ROBO2: variants seen among roughly 807,000 people sequenced by gnomAD.
ROBO2 encodes roundabout guidance receptor 2, also known as roundabout homolog 2.
A neutral mutation model predicts 160.8 loss-of-function variants in ROBO2; 53 were observed. That is an observed-to-expected ratio of 0.33 (90% CI 0.26 to 0.41). The LOEUF (loss-of-function observed/expected upper bound fraction) is 0.41. Among genes scored for constraint, ROBO2 ranks in the 10% least tolerant of loss-of-function variants. The pLI is 1.00. For missense variants in ROBO2, 1,577 were observed against 1,722.4 expected (o/e 0.92, Z 1.49); for synonymous variants, 664 against 611.7 (o/e 1.09, Z -1.26).
chr3:77,494,005 C>G (rs1056085999), intron 5 of ROBO2, among the ~76,000 whole-genome samples: 1 of 152,154 alleles, frequency 6.6e-6, no homozygotes, highest in East Asian at 1.9e-4. Context: ...CCCAATCTCT[C>G]AAACTCTAAC....
At chr3:76,936,288 T>C (rs939023539) in intron 2 of ROBO2, among the ~76,000 whole-genome samples, 19 of 152,160 alleles carry the variant, frequency 1.2e-4, no homozygotes, top group African/African-American at 4.6e-4. Flanking sequence ...TTTCCAATAA[T>C]GTGAAGATCT....
rs117140498 is a variant in ROBO2, at chr3:76,449,811, A to G, written c.109+512209A>G. On this transcript the variant is annotated intron_variant, in intron 2 of 26. Coordinates refer to the ROBO2 transcript ENST00000487694. ...GCATCATTAGGTTGCTCATAAAGGA[A>G]TCACGAATAAACATTTTAGAGAGGT... Among the ~76,000 whole-genome samples, 6 of 152,282 alleles carry G rather than the reference A, an allele frequency of 3.9e-5. No homozygotes were observed. The East Asian group carries it at 9.7e-4, about 25-fold the overall frequency.
At chr3:76,626,426 A>G (rs188523482) in intron 2 of ROBO2, among the ~76,000 whole-genome samples, 2 of 152,270 alleles carry the variant, frequency 1.3e-5, no homozygotes, top group African/African-American at 2.4e-5. Context: ...GTTTAGGCTG[A>G]TGGAAAATAA....
intron 2 of ROBO2, among the ~76,000 whole-genome samples, chr3:77,025,022 T>A (rs1219533948): frequency 1.3e-5 from 2 of 152,044 alleles, no homozygotes; most frequent in Non-Finnish European, 2.9e-5. Context: ...TCTTTGGCAG[T>A]AAATTAATTT....
intron 2 of ROBO2, among the ~76,000 whole-genome samples, chr3:76,440,766 T>C (rs1308872671): frequency 6.6e-6 from 1 of 152,070 alleles, no homozygotes; most frequent in East Asian, 1.9e-4. Flanking sequence ...ATACCAGAAC[T>C]ACATGAGCAG....
intron 2 of ROBO2, among the ~76,000 whole-genome samples, chr3:76,025,615 A>G (rs1485966583): frequency 6.6e-6 from 1 of 151,778 alleles, no homozygotes; most frequent in African/African-American, 2.4e-5. Flanking sequence ...AACTCACTAT[A>G]GTAATACATT....
intron 2 of ROBO2, among the ~76,000 whole-genome samples, chr3:76,711,266 G>A (rs2093287682): frequency 6.6e-6 from 1 of 152,102 alleles, no homozygotes. Context: ...TCTTCATACA[G>A]CAGCAACAGA....
chr3:76,534,669 T>C (rs2082398861), intron 2 of ROBO2, among the ~76,000 whole-genome samples: 1 of 152,116 alleles, frequency 6.6e-6, no homozygotes, highest in African/African-American at 2.4e-5. Flanking sequence ...TTGCCAAACA[T>C]GTGGAACTGG....
chr3:77,204,577 C>G (rs544443746), intron 2 of ROBO2, among the ~76,000 whole-genome samples: 6 of 152,192 alleles, frequency 3.9e-5, no homozygotes, highest in Admixed American at 3.9e-4. Flanking sequence ...ACTTTTTAGA[C>G]TTCTAGGCCT....
chr3:77,605,221 CAAATT>C (rs2094503578), intron 20 of ROBO2, among the ~76,000 whole-genome samples: 2 of 149,788 alleles, frequency 1.3e-5, no homozygotes, highest in Admixed American at 6.7e-5. Flanking sequence ...AATATACACA[CAAATT>C]AAAGAGTTTA....
At chr3:77,201,912 A>G (rs72891590) in intron 2 of ROBO2, among the ~76,000 whole-genome samples, 1,764 of 152,294 alleles carry the variant, frequency 0.012, 35 homozygotes, top group African/African-American at 0.039. Flanking sequence ...TTGATCTTCA[A>G]GGACAAAACA....
At chr3:76,702,264 G>T (rs2093061472) in intron 2 of ROBO2, among the ~76,000 whole-genome samples, 1 of 151,982 alleles carries the variant, frequency 6.6e-6, no homozygotes, top group South Asian at 2.1e-4. Flanking sequence ...ATGTTTGGAG[G>T]ATTTGGGGGT....
chr3:76,553,042 C>T (rs56186071), intron 2 of ROBO2, among the ~76,000 whole-genome samples: 6,920 of 152,064 alleles, frequency 0.046, 180 homozygotes, highest in African/African-American at 0.07. Context: ...GTGGGGTAGA[C>T]GGCTGATGAA....
chr3:76,278,646 G>C (rs1439906984), intron 2 of ROBO2, among the ~76,000 whole-genome samples: 4 of 152,072 alleles, frequency 2.6e-5, no homozygotes, highest in Middle Eastern at 3.4e-3. Flanking sequence ...AAGTTAGAAA[G>C]CATCTGGAAC....
At chr3:76,158,001 A>C (rs1374716130) in intron 2 of ROBO2, among the ~76,000 whole-genome samples, 1 of 152,064 alleles carries the variant, frequency 6.6e-6, no homozygotes, top group Non-Finnish European at 1.5e-5. Flanking sequence ...TATATTAGTA[A>C]TCTCTCTAAG....
intron 1 of ROBO2, among the ~76,000 whole-genome samples, chr3:77,053,092 G>A (rs2065381042): frequency 6.6e-6 from 1 of 152,050 alleles, no homozygotes; most frequent in African/African-American, 2.4e-5. Flanking sequence ...TTATGTACAT[G>A]GCACTGTTCA....
At chr3:76,568,462 AAT>A (rs2084746557) in intron 2 of ROBO2, among the ~76,000 whole-genome samples, 1 of 23,874 alleles carries the variant, frequency 4.2e-5, no homozygotes, top group Non-Finnish European at 1.1e-4. Context: ...ACGCCCAGAT[AAT>A]TTTTTTTTTT....
At chr3:76,772,517 CT>C (rs5850289) in intron 2 of ROBO2, among the ~76,000 whole-genome samples, 283 of 138,194 alleles carry the variant, frequency 2.0e-3, no homozygotes, top group African/African-American at 3.8e-3. Context: ...TGGGTTTTTT[CT>C]TTTTTTTTTT....
At chr3:77,557,748 A>G (rs1049113040) in intron 8 of ROBO2, among the ~76,000 whole-genome samples, 196 bp from the exon 10 acceptor site, 5 of 151,992 alleles carry the variant, frequency 3.3e-5, no homozygotes, top group Non-Finnish European at 7.4e-5. Context: ...AGTATAGTAT[A>G]TATGTATGTA....
Sources: allele counts gnomAD v4.1 joint callset (sites outside exome capture counted in the v4.1 genomes callset), GRCh38; gene constraint gnomAD v4.1.1; transcripts MANE v1.5; gene names NCBI Gene and HGNC (gene_info 2026-07-23, HGNC 2026-07-21).